The following ADGRL3 variants were observed in gnomAD, a reference collection of about 807,000 sequenced individuals.
The protein encoded by ADGRL3 is calcium-independent alpha-latrotoxin receptor 3.
Under a neutral mutation model 153.5 loss-of-function variants are expected in ADGRL3, and 62 were observed. That is an observed-to-expected ratio of 0.40 (90% CI 0.33 to 0.50). The LOEUF is 0.50. ADGRL3 is among the 20% of genes least tolerant of loss of function. The probability of loss-of-function intolerance (pLI) is 0.47; values close to 1 mark genes in which losing one functional copy is unlikely to be tolerated. For synonymous variants in ADGRL3, 710 were observed against 672.5 expected, an observed-to-expected ratio of 1.06 and a Z score of -0.86; for missense variants, 1,641 against 1,859.4, an observed-to-expected ratio of 0.88 and a Z score of 2.16.
chr4:61,244,055 G>T (rs1756075134), intron 1 of ADGRL3, among the ~76,000 whole-genome samples: 1 of 151,960 alleles, frequency 6.6e-6, no homozygotes, highest in Non-Finnish European at 1.5e-5. Context: ...TTGCTATCGG[G>T]TCTACCTAAC....
intron 19 of ADGRL3, among the ~76,000 whole-genome samples, chr4:61,987,071 CTT>C (rs1441556550): frequency 6.6e-5 from 10 of 150,772 alleles, no homozygotes; most frequent in South Asian, 2.1e-4. Context: ...CGTCGAGACT[CTT>C]TGTTCCAGTT....
At chr4:61,363,043 G>A (rs1277301368) in intron 1 of ADGRL3, among the ~76,000 whole-genome samples, 1 of 151,980 alleles carries the variant, frequency 6.6e-6, no homozygotes, top group African/African-American at 2.4e-5. Flanking sequence ...CTTTTTCATG[G>A]GTTTAAAATC....
chr4:61,395,164 TAAGGTGGTTGA>T (rs2096855033), intron 2 of ADGRL3, among the ~76,000 whole-genome samples: 1 of 152,000 alleles, frequency 6.6e-6, no homozygotes, highest in South Asian at 2.1e-4. Context: ...AATCTAGTGA[TAAGGTGGTTGA>T]AAATATAAGT....
At chr4:61,757,412 G>C (rs7376314) in intron 8 of ADGRL3, among the ~76,000 whole-genome samples, 1 of 151,924 alleles carries the variant, frequency 6.6e-6, no homozygotes, top group East Asian at 1.9e-4. Context: ...TTGCATAGAG[G>C]TGTTTATAGT....
intron 2 of ADGRL3, among the ~76,000 whole-genome samples, chr4:61,429,349 A>C (rs2097327413): frequency 6.6e-6 from 1 of 152,206 alleles, no homozygotes; most frequent in Non-Finnish European, 1.5e-5. Context: ...AAAGGTGGGT[A>C]GAAAGCAAAC....
At chr4:61,255,980 C>T (rs1426780195) in intron 1 of ADGRL3, among the ~76,000 whole-genome samples, 1 of 152,126 alleles carries the variant, frequency 6.6e-6, no homozygotes, top group Admixed American at 6.5e-5. Context: ...TCTTCTGGCC[C>T]CTCCCCAATC....
chr4:61,678,849 G>A (rs2095270895), intron 6 of ADGRL3, among the ~76,000 whole-genome samples: 1 of 151,968 alleles, frequency 6.6e-6, no homozygotes, highest in Admixed American at 6.6e-5. Context: ...GTATAATGCA[G>A]AATTGGAATT....
intron 2 of ADGRL3, among the ~76,000 whole-genome samples, chr4:61,467,733 G>T (rs536819188): frequency 2.8e-4 from 43 of 152,134 alleles, no homozygotes; most frequent in African/African-American, 9.9e-4. Flanking sequence ...TTAATTTTCA[G>T]TAGTACAGAT....
chr4:61,885,711 A>G (rs1288168654), intron 9 of ADGRL3, among the ~76,000 whole-genome samples: 3 of 152,178 alleles, frequency 2.0e-5, no homozygotes, highest in African/African-American at 7.2e-5. Context: ...GCATTGTCCT[A>G]GTGGAAAGGG....
intron 9 of ADGRL3, among the ~76,000 whole-genome samples, chr4:61,829,826 G>T (rs78322930): frequency 0.089 from 13,475 of 152,122 alleles, 689 homozygotes; most frequent in Middle Eastern, 0.15. Context: ...AGAGGCACCA[G>T]GAGGAATAAA....
intron 2 of ADGRL3, among the ~76,000 whole-genome samples, chr4:61,490,809 C>T (rs896804952): frequency 6.6e-6 from 1 of 151,974 alleles, no homozygotes; most frequent in African/African-American, 2.4e-5. Context: ...AGGACCCAAA[C>T]TAATGATGCT....
intron 9 of ADGRL3, among the ~76,000 whole-genome samples, chr4:61,828,987 T>C (rs2097842278): frequency 6.6e-6 from 1 of 152,190 alleles, no homozygotes; most frequent in African/African-American, 2.4e-5. Flanking sequence ...AACTGAGATA[T>C]TTGTAGGGAA....
At chr4:61,397,419 T>C (rs1322150436) in intron 2 of ADGRL3, among the ~76,000 whole-genome samples, 1 of 151,890 alleles carries the variant, frequency 6.6e-6, no homozygotes, top group Non-Finnish European at 1.5e-5. Flanking sequence ...ATGAGGCAAG[T>C]GTGGGGATGT....
chr4:61,865,078 C>T (rs761568230), intron 9 of ADGRL3, among the ~76,000 whole-genome samples: 16 of 152,128 alleles, frequency 1.1e-4, no homozygotes, highest in Admixed American at 2.0e-4. Flanking sequence ...TGTCACTCGT[C>T]TCTCGCAGAA....
intron 2 of ADGRL3, among the ~76,000 whole-genome samples, chr4:61,466,339 A>G (rs549805727): frequency 6.0e-4 from 91 of 152,300 alleles, no homozygotes; most frequent in African/African-American, 2.2e-3. Flanking sequence ...ATATTAACTC[A>G]GCATACGCTT....
At chr4:61,589,058 T>C (rs1411883516) in intron 5 of ADGRL3, among the ~76,000 whole-genome samples, 4 of 152,114 alleles carry the variant, frequency 2.6e-5, no homozygotes, top group Non-Finnish European at 5.9e-5. Context: ...TTTAATCTTA[T>C]AAGTATTTCA....
At chr4:61,727,436 G>T (rs1041114504) in intron 6 of ADGRL3, among the ~76,000 whole-genome samples, 1 of 152,070 alleles carries the variant, frequency 6.6e-6, no homozygotes, top group African/African-American at 2.4e-5. Context: ...TTTCAAAAAC[G>T]TTTGGAAATG....
intron 17 of ADGRL3, among the ~76,000 whole-genome samples, chr4:61,962,352 T>C (rs1018823633): frequency 2.0e-5 from 3 of 152,188 alleles, no homozygotes; most frequent in African/African-American, 7.2e-5. Flanking sequence ...ATATTTAACA[T>C]TGATACAATA....
intron 8 of ADGRL3, among the ~76,000 whole-genome samples, chr4:61,750,909 T>G (rs1160940350): frequency 2.6e-5 from 4 of 152,066 alleles, no homozygotes; most frequent in Non-Finnish European, 5.9e-5. Context: ...TAACCAGTGT[T>G]GTAGAGCAGG....
Sources: gnomAD v4.1 joint callset for allele counts (sites outside exome capture counted in the v4.1 genomes callset) on GRCh38, gnomAD v4.1.1 for gene constraint, MANE v1.5 for transcripts, NCBI Gene and HGNC (gene_info 2026-07-23, HGNC 2026-07-21) for gene names.